EEF1AKMT1: variants seen among roughly 807,000 people sequenced by gnomAD.
The protein encoded by EEF1AKMT1 is EEF1A lysine methyltransferase 1, also known as N-6 adenine-specific DNA methyltransferase 2 (putative).
In EEF1AKMT1, 18 loss-of-function variants were observed where a neutral mutation model predicts 21.0. The ratio of observed to expected loss-of-function variants is 0.86; its 90% CI spans 0.59 to 1.27. EEF1AKMT1 has a LOEUF of 1.27. Among genes scored for constraint, EEF1AKMT1 ranks in the 50% most tolerant of loss-of-function variants. EEF1AKMT1 has a pLI of 0.00. For missense variants in EEF1AKMT1, 246 were observed against 258.6 expected, an observed-to-expected ratio of 0.95 and a Z score of 0.33; for synonymous variants, 109 against 94.8, an observed-to-expected ratio of 1.15 and a Z score of -0.87.
intron 2 of EEF1AKMT1, among the ~76,000 whole-genome samples, chr13:20,739,963 TG>T (rs1286798320): frequency 1.3e-5 from 2 of 152,230 alleles, no homozygotes; most frequent in African/African-American, 4.8e-5. Context: ...TTGATGCGAC[TG>T]GGCCCCGCAG....
intron 3 of EEF1AKMT1, among the ~76,000 whole-genome samples, chr13:20,736,701 T>G (rs2058828071): frequency 6.7e-6 from 1 of 150,136 alleles, no homozygotes; most frequent in African/African-American, 2.5e-5. Context: ...GATACGGATA[T>G]AGAATACATT....
chr13:20,760,773 C>A (rs988065876), intron 1 of EEF1AKMT1, among the ~76,000 whole-genome samples: 2 of 152,090 alleles, frequency 1.3e-5, no homozygotes, highest in African/African-American at 4.8e-5. Context: ...AATGGACACA[C>A]TTAATGCTGA....
intron 2 of EEF1AKMT1, 73 bp from the exon 3 acceptor site, chr13:20,737,878 T>C (rs566260003): frequency 6.1e-6 from 6 of 987,994 alleles, no homozygotes; most frequent in Non-Finnish European, 7.6e-6. Flanking sequence ...ATATATAATC[T>C]ATACCAGTGG....
chr13:20,763,934 T>C (rs1291356398), intron 1 of EEF1AKMT1, among the ~76,000 whole-genome samples: 1 of 151,500 alleles, frequency 6.6e-6, no homozygotes, highest in African/African-American at 2.4e-5. Flanking sequence ...TCCTCAATTA[T>C]TTCTAATGTC....
At chr13:20,736,091 T>C (rs1210116547) in intron 3 of EEF1AKMT1, among the ~76,000 whole-genome samples, 1 of 151,876 alleles carries the variant, frequency 6.6e-6, no homozygotes, top group Non-Finnish European at 1.5e-5. Flanking sequence ...GAAGGACATG[T>C]GTGTTGAGGA....
At chr13:20,744,663 G>T (rs1381257510) in intron 2 of EEF1AKMT1, among the ~76,000 whole-genome samples, 5 of 152,204 alleles carry the variant, frequency 3.3e-5, no homozygotes, top group Admixed American at 3.3e-4. Flanking sequence ...AGTTTCTTTT[G>T]CTCTGCAGAA....
chr13:20,742,275 A>G (rs939385068), intron 2 of EEF1AKMT1, among the ~76,000 whole-genome samples: 2 of 151,754 alleles, frequency 1.3e-5, no homozygotes, highest in African/African-American at 4.8e-5. Context: ...TATTTTGTCA[A>G]TTGTTGCTAG....
At chr13:20,757,984 A>T (rs1404896991) in intron 1 of EEF1AKMT1, among the ~76,000 whole-genome samples, 1 of 152,230 alleles carries the variant, frequency 6.6e-6, no homozygotes, top group African/African-American at 2.4e-5. Flanking sequence ...CACAACAGGT[A>T]ACAGGCCCCG....
chr13:20,729,525 A>C (rs1329581580), intron 4 of EEF1AKMT1, among the ~76,000 whole-genome samples: 1 of 152,188 alleles, frequency 6.6e-6, no homozygotes, highest in East Asian at 1.9e-4. Flanking sequence ...ATATATATAC[A>C]CACATATGGA....
At chr13:20,754,741 CAAAAAAAA>C (rs56777421) in intron 2 of EEF1AKMT1, among the ~76,000 whole-genome samples, 4 of 116,578 alleles carry the variant, frequency 3.4e-5, no homozygotes, top group African/African-American at 6.6e-5. Context: ...ACCAAAAATA[CAAAAAAAA>C]AAAAAAAAAA....
chr13:20,739,404 C>A (rs554520891), intron 2 of EEF1AKMT1, among the ~76,000 whole-genome samples: 1 of 152,182 alleles, frequency 6.6e-6, no homozygotes, highest in Non-Finnish European at 1.5e-5. Flanking sequence ...ACCCCACCCA[C>A]ATCCTGCTGA....
intron 1 of EEF1AKMT1, among the ~76,000 whole-genome samples, chr13:20,771,090 C>G (rs1345828787): frequency 1.3e-5 from 2 of 152,008 alleles, no homozygotes; most frequent in African/African-American, 4.8e-5. Flanking sequence ...CAGGCTGGTC[C>G]TGAACTCCTC....
At chr13:20,738,537 A>G (rs369163906) in intron 2 of EEF1AKMT1, among the ~76,000 whole-genome samples, 3 of 152,190 alleles carry the variant, frequency 2.0e-5, no homozygotes, top group African/African-American at 7.2e-5. Flanking sequence ...GGGCATGCCA[A>G]CTGGGGGGTT....
In EEF1AKMT1 at chr13:20,729,210, A is replaced by G; in HGVS notation, c.515T>C (p.Ile172Thr). The G allele has an allele frequency of 6.2e-7, 1 of 1,614,132 alleles. No homozygotes were observed. Among genetic ancestry groups the G allele is most frequent in the Non-Finnish European group, 8.5e-7 (1 of 1,180,024 alleles). The change falls in exon 5 of 5, where the codon ATC (isoleucine) becomes ACC (threonine). Residue 172 changes from isoleucine (I) to threonine (T), a missense_variant. Coordinates refer to ENST00000382758, the MANE Select transcript of EEF1AKMT1 (RefSeq NM_001318939.2). ...GAGTTCTGCTGCCTGTTCTTCCATG[A>G]TGGCACCTGAAGAGAACAAAGCAAA... Reference protein sequence around the residue: ...RGKILLCTGAIMEEQAAELLG... With the variant: ...RGKILLCTGATMEEQAAELLG...
intron 1 of EEF1AKMT1, among the ~76,000 whole-genome samples, chr13:20,773,553 C>G (rs974896839): frequency 6.6e-6 from 1 of 152,226 alleles, no homozygotes; most frequent in African/African-American, 2.4e-5. Flanking sequence ...GGACAGCAGG[C>G]CGAGTCCTGT....
At chr13:20,745,973 A>G (rs1398889055) in intron 2 of EEF1AKMT1, among the ~76,000 whole-genome samples, 1 of 152,248 alleles carries the variant, frequency 6.6e-6, no homozygotes, top group Non-Finnish European at 1.5e-5. Flanking sequence ...ACATCTTTAA[A>G]CCAATAAATA....
intron 3 of EEF1AKMT1, among the ~76,000 whole-genome samples, chr13:20,735,847 T>C: frequency 6.6e-6 from 1 of 151,814 alleles, no homozygotes; most frequent in Non-Finnish European, 1.5e-5. Flanking sequence ...AATAAAGAAA[T>C]ACTCAAAGAC....
At chr13:20,759,297 C>T (rs71426031) in intron 1 of EEF1AKMT1, among the ~76,000 whole-genome samples, 6,381 of 152,216 alleles carry the variant, frequency 0.042, 318 homozygotes, top group African/African-American at 0.12. Flanking sequence ...AAACTTAAAT[C>T]GGCCGGGCGC....
intron 1 of EEF1AKMT1, among the ~76,000 whole-genome samples, chr13:20,770,559 T>C (rs2059057535): frequency 6.6e-6 from 1 of 152,148 alleles, no homozygotes; most frequent in Admixed American, 6.5e-5. Context: ...AATTTCCAAG[T>C]AAAAATTCCA....
Sources: gnomAD v4.1 joint callset for allele counts (sites outside exome capture counted in the v4.1 genomes callset) on GRCh38, gnomAD v4.1.1 for gene constraint, MANE v1.5 for transcripts, NCBI Gene and HGNC (gene_info 2026-07-23, HGNC 2026-07-21) for gene names.